CXCR1: variants seen among roughly 807,000 people sequenced by gnomAD.
CXCR1 encodes the protein C-X-C motif chemokine receptor 1.
For missense variants in CXCR1, 419 were observed against 440.5 expected (o/e 0.95, Z 0.44); for synonymous variants, 180 against 184.7 (o/e 0.97, Z 0.21).
rs144399308 is a variant in CXCR1 at position 218,164,555 on chromosome 2, C to G, written c.657G>C (p.Leu219=). 1 of 1,614,082 alleles carries G rather than the reference C, an allele frequency of 6.2e-7. No homozygotes were observed. The highest frequency in any genetic ancestry group is 1.3e-5 in the African/African-American group (1 of 74,916). The change falls in exon 2 of 2, where the codon CTG becomes CTC. Residue 219 remains leucine, a synonymous_variant. Transcript: ENST00000295683. ...TACGCAGGGTGAATCCATAGCAGAA[C>G]AGCATGACAAACAGCGGCACGATGA... ...FGFIVPLFVM[L]FCYGFTLRTL...
chr2:218,164,706 A>C lies in CXCR1; in HGVS notation c.506T>G (p.Leu169Arg). 6.2e-7 allele frequency: 1 copy of C among 1,614,246 alleles called. No homozygotes were observed. The highest frequency in any genetic ancestry group is 2.2e-5 in the East Asian group (1 of 44,896). Residue 169 changes from leucine (L) to arginine (R), a missense_variant, in exon 2 of 2, where the codon CTG becomes CGG. Leu to Arg is a moderately radical substitution (Grantham distance 102, BLOSUM62 -2). Coordinates refer to ENST00000295683, the MANE Select transcript of CXCR1 (RefSeq NM_000634.3). ...AGCCTGGCGGAAAAGGAAGAAGGGC[A>C]GGGACAGATTCATAGACAGTCCCCA... is the stretch of plus-strand genomic sequence containing the variant. ...GCWGLSMNLS[L>R]PFFLFRQAYH...
Position 218,165,256 on chromosome 2 carries a change from G to A in CXCR1, c.-33-12C>T. The A allele has an allele frequency of 1.3e-6, 2 of 1,574,448 alleles. No homozygotes were observed. Among genetic ancestry groups the A allele is most frequent in the Middle Eastern group, 1.7e-4 (1 of 5,994 alleles). On this transcript the variant is annotated splice_polypyrimidine_tract_variant and intron_variant, in intron 1 of 1. Coordinates refer to ENST00000295683, the MANE Select transcript of CXCR1 (RefSeq NM_000634.3). ...ATGGTTTGATCTAACTGGAAGGTTAGAAGGAAGGAAATGTGATTTAGTAGC... is the reference window on the plus strand; with the variant it reads ...ATGGTTTGATCTAACTGGAAGGTTAAAAGGAAGGAAATGTGATTTAGTAGC...
At position 218,164,599 on chromosome 2, in the gene CXCR1, G is replaced by A. The variant is rs773800391; in HGVS notation, c.613C>T (p.Leu205=). Residue 205 remains leucine, a synonymous_variant, in exon 2 of 2, where the codon CTG becomes TTG. Coordinates refer to ENST00000295683, the MANE Select transcript of CXCR1 (RefSeq NM_000634.3). ...ACGATGAAGCCAAAGGTGTGAGGCA[G>A]GATCCGCAACACCATCCGCCATTTT... ...TAKWRMVLRI[L]PHTFGFIVPL... is the part of the protein sequence containing the mutation. The A allele has an allele frequency of 6.2e-7, 1 of 1,614,244 alleles. No individual in the cohort carries two copies. The highest frequency in any genetic ancestry group is 2.2e-5 in the East Asian group (1 of 44,888).
At position 218,164,178 on chromosome 2, in the gene CXCR1, T is replaced by C. The variant is rs1268004402; in HGVS notation, c.1034A>G (p.Asn345Ser). 1.2e-6 allele frequency: 2 copies of C among 1,614,124 alleles called. No individual in the cohort carries two copies. Among genetic ancestry groups the C allele is most frequent in the African/African-American group, 1.3e-5 (1 of 75,046 alleles). The change falls in exon 2 of 2, where the codon AAT becomes AGT. Residue 345 changes from asparagine (N) to serine (S), a missense_variant. Transcript: ENST00000295683. ...RVTSYTSSSV[N>S]VSSNL is the part of the protein sequence containing the mutation. ...TGGTTTTCAGAGGTTGGAAGAGACA[T>C]TGACAGACGAAGAAGTGTAGGAGGT...
At chr2:218,166,593 G>C (rs924605305) in intron 1 of CXCR1, among the ~76,000 whole-genome samples, 9 of 152,190 alleles carry the variant, frequency 5.9e-5, no homozygotes, top group Non-Finnish European at 1.3e-4. Flanking sequence ...AGTCCACTCA[G>C]ATCCACACAT....
Position 218,164,593 on chromosome 2 carries a change from G to A in CXCR1, c.619C>T (p.His207Tyr). ...AGCGGCACGATGAAGCCAAAGGTGT[G>A]AGGCAGGATCCGCAACACCATCCGC... ...KWRMVLRILP[H>Y]TFGFIVPLFV... The change falls in exon 2 of 2, where the codon CAC becomes TAC. Residue 207 changes from histidine (H) to tyrosine (Y), a missense_variant. Coordinates refer to ENST00000295683, the MANE Select transcript of CXCR1 (RefSeq NM_000634.3). The A allele has an allele frequency of 1.2e-6, 2 of 1,614,244 alleles. No homozygotes were observed. The highest frequency in any genetic ancestry group is 1.7e-6 in the Non-Finnish European group (2 of 1,180,054).
chr2:218,164,727 C>A lies in CXCR1; in HGVS notation c.485G>T (p.Gly162Val). 2 of 1,614,228 alleles carry A rather than the reference C, an allele frequency of 1.2e-6. No individual in the cohort carries two copies. Among genetic ancestry groups the A allele is most frequent in the Non-Finnish European group, 1.7e-6 (2 of 1,180,044 alleles). Residue 162 changes from glycine (G) to valine (V), a missense_variant, in exon 2 of 2, where the codon GGA becomes GTA. By Grantham distance (109) the Gly-to-Val change is moderately radical (BLOSUM62 -3). Coordinates refer to ENST00000295683, the MANE Select transcript of CXCR1 (RefSeq NM_000634.3). Reference protein sequence around the residue: ...LVKFVCLGCWGLSMNLSLPFF... With the variant: ...LVKFVCLGCWVLSMNLSLPFF... ...GGGCAGGGACAGATTCATAGACAGTCCCCAGCAGCCAAGACAAACAAACTT... is the reference window on the plus strand; with the variant it reads ...GGGCAGGGACAGATTCATAGACAGTACCCAGCAGCCAAGACAAACAAACTT...
At position 218,164,270 on chromosome 2, in the gene CXCR1, A is replaced by G. The variant is rs1238124483; in HGVS notation, c.942T>C (p.His314=). 4 of 1,612,322 alleles carry G rather than the reference A, an allele frequency of 2.5e-6. No homozygotes were observed. Among genetic ancestry groups the G allele is most frequent in the East Asian group, 2.2e-5 (1 of 44,834 alleles). ...IYAFIGQNFR[H]GFLKILAMHG... is the part of the protein sequence containing the mutation. ...GCATAGCCAGGATCTTGAGGAATCC[A>G]TGGCGAAAATTTTGGCCGATGAAGG... is the stretch of plus-strand genomic sequence containing the variant. Residue 314 remains histidine, a synonymous_variant, in exon 2 of 2, where the codon CAT becomes CAC. Coordinates refer to ENST00000295683, the MANE Select transcript of CXCR1 (RefSeq NM_000634.3).
At position 218,166,940 on chromosome 2, in the gene CXCR1, G is replaced by A. The variant is rs2106121652; in HGVS notation, c.-66C>T. 6.6e-6 allele frequency: 1 copy of A among 152,358 alleles called. No individual in the cohort carries two copies. Among genetic ancestry groups the A allele is most frequent in the East Asian group, 1.9e-4 (1 of 5,194 alleles). The allele number at this position is 152,358 out of a possible 1,614,324, so 9.4% of individuals were successfully genotyped here. On this transcript the variant is annotated 5_prime_UTR_variant, in exon 1 of 2. Transcript: ENST00000295683. ...ACCGGCCAGGTGTGTCCAACAGTAG[G>A]AGCTGCAGTCAGAGATCAGAGTGAC...
At position 218,162,863 on chromosome 2, in the gene CXCR1, A is replaced by G. The variant is rs1444059326; in HGVS notation, c.*1296T>C. 6.6e-6 allele frequency: 1 copy of G among 152,380 alleles called. No individual in the cohort carries two copies. The highest frequency in any genetic ancestry group is 1.5e-5 in the Non-Finnish European group (1 of 68,056). 9.4% of individuals were successfully genotyped at this position (152,380 alleles called of 1,614,324 possible). On this transcript the variant is annotated 3_prime_UTR_variant, in exon 2 of 2. Transcript: ENST00000295683. ...GCATTCATTCCTGTGATCATTATTT[A>G]TTGAGCATTTAGTAGGCTCCAGGCA...
Position 218,164,487 on chromosome 2 carries a change from C to T in CXCR1, c.725G>A (p.Arg242Lys), listed in dbSNP as rs934571427. ...GATGAGGACGACAGCAAAGATGACC[C>T]TCATGGCTCGGTGCTTCTGCCCCAT... is the stretch of plus-strand genomic sequence containing the variant. The part of the protein sequence containing the change: ...AHMGQKHRAM[R>K]VIFAVVLIFL... The change falls in exon 2 of 2, where the codon AGG (arginine) becomes AAG (lysine). Residue 242 changes from arginine to lysine, a missense_variant. By Grantham distance (26) the Arg-to-Lys change is conservative. Coordinates refer to ENST00000295683, the MANE Select transcript of CXCR1 (RefSeq NM_000634.3). The T allele has an allele frequency of 3.1e-6, 5 of 1,614,068 alleles. No homozygotes were observed. The African/African-American group carries it at 4.0e-5, about 13-fold the overall frequency.
At chr2:218,166,193 T>G (rs913474194) in intron 1 of CXCR1, among the ~76,000 whole-genome samples, 6 of 152,138 alleles carry the variant, frequency 3.9e-5, no homozygotes, top group African/African-American at 1.4e-4. Flanking sequence ...ATCCCAGCCC[T>G]TTGGGAGGCC....
Position 218,164,772 on chromosome 2 carries a change from G to C in CXCR1, c.440C>G (p.Thr147Ser). 6.2e-7 allele frequency: 1 copy of C among 1,614,218 alleles called. No individual in the cohort carries two copies. Among genetic ancestry groups the C allele is most frequent in the South Asian group, 1.1e-5 (1 of 91,090 alleles). Residue 147 changes from threonine to serine, a missense_variant, in exon 2 of 2, where the codon ACC (threonine) becomes AGC (serine). By Grantham distance (58) the Thr-to-Ser change is moderately conservative. Coordinates refer to ENST00000295683, the MANE Select transcript of CXCR1 (RefSeq NM_000634.3). ...AAACTTGACCAAGTGACGCTTCTGG[G>C]TCAGTGTGCGTGTGGCATGGACAAT... ...LAIVHATRTL[T>S]QKRHLVKFVC...
Position 218,164,831 on chromosome 2 carries a change from C to G in CXCR1, c.381G>C (p.Leu127=), listed in dbSNP as rs756818637. Residue 127 remains leucine, a synonymous_variant, in exon 2 of 2, where the codon CTG becomes CTC. Coordinates refer to ENST00000295683, the MANE Select transcript of CXCR1 (RefSeq NM_000634.3). ...KEVNFYSGIL[L]LACISVDRYL... Reference sequence around the variant, plus strand: ...AACGGTCCACACTGATGCAGGCCAACAGCAGGATGCCACTGTAGAAGTTGA... The same window carrying G: ...AACGGTCCACACTGATGCAGGCCAAGAGCAGGATGCCACTGTAGAAGTTGA... 5.6e-6 allele frequency: 9 copies of G among 1,614,136 alleles called. 1 individual carries two copies. Among genetic ancestry groups the G allele is most frequent in the African/African-American group, 5.3e-5 (4 of 74,944 alleles).
Position 218,163,269 on chromosome 2 carries a change from A to G in CXCR1, c.*890T>C, listed in dbSNP as rs997431722. 6.6e-6 allele frequency: 1 copy of G among 152,622 alleles called. No homozygotes were observed. 9.5% of individuals were successfully genotyped at this position (152,622 alleles called of 1,614,324 possible). ...CCCCATTCTACTGCAGGAACAGCCA[A>G]CAATGCTGCACACACCCTTGACTCT... On this transcript the variant is annotated 3_prime_UTR_variant, in exon 2 of 2. Coordinates refer to ENST00000295683, the MANE Select transcript of CXCR1 (RefSeq NM_000634.3).
chr2:218,164,865 A>G lies in CXCR1; in HGVS notation c.347T>C (p.Leu116Pro). Reference protein sequence around the residue: ...GTFLCKVVSLLKEVNFYSGIL... With the variant: ...GTFLCKVVSLPKEVNFYSGIL... Reference sequence around the variant, plus strand: ...GCCACTGTAGAAGTTGACTTCCTTCAGGAGTGAGACCACCTTGCACAGGAA... The same window carrying G: ...GCCACTGTAGAAGTTGACTTCCTTCGGGAGTGAGACCACCTTGCACAGGAA... The change falls in exon 2 of 2, where the codon CTG (leucine) becomes CCG (proline). Residue 116 changes from leucine (L) to proline (P), a missense_variant. Physicochemically the swap from Leu to Pro is moderately conservative, Grantham distance 98. Transcript: ENST00000295683. 6.2e-7 allele frequency: 1 copy of G among 1,614,258 alleles called. No homozygotes were observed.
chr2:218,164,758 A>G lies in CXCR1; in HGVS notation c.454T>C (p.Leu152=), dbSNP rs1377834717. The change falls in exon 2 of 2, where the codon TTG becomes CTG. Residue 152 remains leucine (L), a synonymous_variant. Coordinates refer to ENST00000295683, the MANE Select transcript of CXCR1 (RefSeq NM_000634.3). Reference sequence around the variant, plus strand: ...CAGCCAAGACAAACAAACTTGACCAAGTGACGCTTCTGGGTCAGTGTGCGT... The same window carrying G: ...CAGCCAAGACAAACAAACTTGACCAGGTGACGCTTCTGGGTCAGTGTGCGT... The part of the protein sequence containing the change: ...ATRTLTQKRH[L]VKFVCLGCWG... 1.9e-6 allele frequency: 3 copies of G among 1,614,252 alleles called. No homozygotes were observed. Among genetic ancestry groups the G allele is most frequent in the Admixed American group, 1.7e-5 (1 of 60,028 alleles).
chr2:218,164,750 C>T lies in CXCR1; in HGVS notation c.462G>A (p.Lys154=), dbSNP rs376194466. The T allele has an allele frequency of 1.2e-5, 19 of 1,614,120 alleles. No individual in the cohort carries two copies. The African/African-American group carries it at 1.6e-4, about 14-fold the overall frequency. ...GTCCCCAGCAGCCAAGACAAACAAACTTGACCAAGTGACGCTTCTGGGTCA... is the reference window on the plus strand; with the variant it reads ...GTCCCCAGCAGCCAAGACAAACAAATTTGACCAAGTGACGCTTCTGGGTCA... The part of the protein sequence containing the change: ...RTLTQKRHLV[K]FVCLGCWGLS... The change falls in exon 2 of 2, where the codon AAG becomes AAA. Residue 154 remains lysine, a synonymous_variant. Transcript: ENST00000295683.
Position 218,164,716 on chromosome 2 carries a change from T to G in CXCR1, c.496A>C (p.Asn166His), listed in dbSNP as rs1691251905. 6.2e-7 allele frequency: 1 copy of G among 1,614,028 alleles called. No homozygotes were observed. The highest frequency in any genetic ancestry group is 1.3e-5 in the African/African-American group (1 of 74,898). The change falls in exon 2 of 2, where the codon AAT (asparagine) becomes CAT (histidine). Residue 166 changes from asparagine to histidine, a missense_variant. Physicochemically the swap from Asn to His is moderately conservative, Grantham distance 68. Transcript: ENST00000295683. ...AAAAGGAAGAAGGGCAGGGACAGATTCATAGACAGTCCCCAGCAGCCAAGA... is the reference window on the plus strand; with the variant it reads ...AAAAGGAAGAAGGGCAGGGACAGATGCATAGACAGTCCCCAGCAGCCAAGA... ...VCLGCWGLSM[N>H]LSLPFFLFRQ...
Sources: allele counts gnomAD v4.1 joint callset (sites outside exome capture counted in the v4.1 genomes callset), GRCh38; gene constraint gnomAD v4.1.1; transcripts MANE v1.5; gene names NCBI Gene and HGNC (gene_info 2026-07-23, HGNC 2026-07-21).